TENM3: variants seen among roughly 807,000 people sequenced by gnomAD.
TENM3 encodes teneurin transmembrane protein 3, also known as teneurin-3.
In TENM3, 63 loss-of-function variants were observed where a neutral mutation model predicts 255.1. The ratio of observed to expected loss-of-function variants is 0.25; its 90% CI spans 0.20 to 0.30. The LOEUF is 0.30. Among genes scored for constraint, TENM3 ranks in the 10% least tolerant of loss-of-function variants. The pLI, the probability that TENM3 is intolerant of heterozygous loss-of-function variation, is 1.00. For missense variants in TENM3, 2,929 were observed against 3,461.1 expected (o/e 0.85, Z 3.86); for synonymous variants, 1,306 against 1,322.3 (o/e 0.99, Z 0.27).
At chr4:182,488,709 G>C (rs1698092045) in intron 3 of TENM3, among the ~76,000 whole-genome samples, 1 of 152,094 alleles carries the variant, frequency 6.6e-6, no homozygotes, top group Non-Finnish European at 1.5e-5. Context: ...CGAATACTAA[G>C]ATAGAAACAA....
the TENM3 span, among the ~76,000 whole-genome samples, chr4:182,087,260 A>G: frequency 6.6e-6 from 1 of 152,228 alleles, no homozygotes; most frequent in Non-Finnish European, 1.5e-5. Context: ...ATGCTGATTT[A>G]CAAAACACAT....
rs183021729 is a variant in TENM3 at position 182,528,804 on chromosome 4, T to C, written c.512-72120T>C. Among the ~76,000 whole-genome samples the C allele has an allele frequency of 3.1e-3, 478 of 152,344 alleles. 4 individuals are homozygous for C. Among genetic ancestry groups the C allele is most frequent in the Non-Finnish European group, 5.8e-3 (392 of 68,032 alleles). On this transcript the variant is annotated intron_variant, in intron 3 of 27. Coordinates refer to ENST00000511685, the MANE Select transcript of TENM3 (RefSeq NM_001080477.4). ...GTAGTAGCCCATAAGTTTTAAAAAA[T>C]AGCAAAAATATCTCATAATGTTTTA... is the stretch of plus-strand genomic sequence containing the variant.
At chr4:182,645,377 G>A (rs962987278) in intron 5 of TENM3, among the ~76,000 whole-genome samples, 1 of 152,094 alleles carries the variant, frequency 6.6e-6, no homozygotes, top group African/African-American at 2.4e-5. Flanking sequence ...TATTATAAAA[G>A]TGGTTAACAT....
At chr4:182,604,489 A>C (rs1487748157) in intron 4 of TENM3, among the ~76,000 whole-genome samples, 1 of 152,126 alleles carries the variant, frequency 6.6e-6, no homozygotes, top group Non-Finnish European at 1.5e-5. Context: ...TTTATACTTC[A>C]GCTGCTTCAG....
chr4:182,016,147 G>C, the TENM3 span, among the ~76,000 whole-genome samples: 1 of 152,118 alleles, frequency 6.6e-6, no homozygotes, highest in African/African-American at 2.4e-5. Flanking sequence ...CTCCTTCAAC[G>C]TGTTATTCGT....
intron 1 of TENM3, among the ~76,000 whole-genome samples, chr4:182,179,497 C>T (rs1752713058): frequency 6.6e-6 from 1 of 152,214 alleles, no homozygotes; most frequent in Non-Finnish European, 1.5e-5. Flanking sequence ...TTAAGAATCA[C>T]TGTTGCATAC....
chr4:182,731,798 T>C (rs1233532792), intron 16 of TENM3, among the ~76,000 whole-genome samples: 1 of 151,134 alleles, frequency 6.6e-6, no homozygotes, highest in Non-Finnish European at 1.5e-5. Context: ...TTTTTTTTTT[T>C]TGAGACGGAG....
chr4:181,748,212 C>G, the TENM3 span, among the ~76,000 whole-genome samples: 1 of 151,942 alleles, frequency 6.6e-6, no homozygotes, highest in African/African-American at 2.4e-5. Context: ...TATTAAATTC[C>G]TAGATAAATT....
At chr4:181,920,305 C>T in the TENM3 span, among the ~76,000 whole-genome samples, 3 of 151,972 alleles carry the variant, frequency 2.0e-5, no homozygotes, top group Non-Finnish European at 4.4e-5. Flanking sequence ...TGAGGAATCG[C>T]CACACTGACT....
the TENM3 span, among the ~76,000 whole-genome samples, chr4:181,950,596 C>A: frequency 3.9e-5 from 6 of 152,162 alleles, no homozygotes; most frequent in Admixed American, 6.5e-5. Flanking sequence ...GCACCCTGGA[C>A]AGTGCCCAAA....
At chr4:182,589,683 C>A (rs1056365761) in intron 3 of TENM3, among the ~76,000 whole-genome samples, 1 of 152,038 alleles carries the variant, frequency 6.6e-6, no homozygotes, top group Middle Eastern at 3.4e-3. Flanking sequence ...CTTTTAAAAA[C>A]GGTTTGCGGC....
At chr4:181,674,041 G>A in the TENM3 span, among the ~76,000 whole-genome samples, 1 of 152,108 alleles carries the variant, frequency 6.6e-6, no homozygotes, top group Non-Finnish European at 1.5e-5. Flanking sequence ...TGTAGCCCTA[G>A]CTGGAGTGCA....
chr4:182,616,361 G>C (rs1382636851), intron 4 of TENM3, among the ~76,000 whole-genome samples: 1 of 149,352 alleles, frequency 6.7e-6, no homozygotes, highest in Non-Finnish European at 1.5e-5. Context: ...ATCACACTCT[G>C]GGGACTGTGG....
chr4:182,449,091 A>AGCG (rs35591339), intron 3 of TENM3: 7 of 265,102 alleles, frequency 2.6e-5, no homozygotes, highest in East Asian at 3.3e-4. Context: ...AAGGTGGGTG[A>AGCG]GCGGCGGCGG....
intron 4 of TENM3, among the ~76,000 whole-genome samples, chr4:182,613,517 CT>C (rs1205220523): frequency 2.0e-5 from 3 of 152,126 alleles, no homozygotes; most frequent in Non-Finnish European, 4.4e-5. Context: ...TAGTCCTATA[CT>C]TTTTACATAG....
At chr4:181,893,493 C>CG in the TENM3 span, among the ~76,000 whole-genome samples, 1 of 89,602 alleles carries the variant, frequency 1.1e-5, no homozygotes, top group East Asian at 3.8e-4. Flanking sequence ...CCCTGCCCAC[C>CG]CCCCCCCCAC....
chr4:181,721,027 G>A, the TENM3 span, among the ~76,000 whole-genome samples: 1 of 151,864 alleles, frequency 6.6e-6, no homozygotes, highest in Non-Finnish European at 1.5e-5. Flanking sequence ...TGAGCATGAA[G>A]GCAGAGTCAG....
chr4:181,676,989 C>CTTTTTTTTT, the TENM3 span, among the ~76,000 whole-genome samples: 4 of 137,688 alleles, frequency 2.9e-5, no homozygotes, highest in Non-Finnish European at 4.6e-5. Context: ...CCGATTTTAT[C>CTTTTTTTTT]TTTTTTTTTT....
At chr4:181,456,274 A>G in the TENM3 span, among the ~76,000 whole-genome samples, 3 of 151,654 alleles carry the variant, frequency 2.0e-5, no homozygotes, top group Admixed American at 2.0e-4. Flanking sequence ...ATCAAAGCCA[A>G]TATTCTGATC....
Sources: gnomAD v4.1 joint callset for allele counts (sites outside exome capture counted in the v4.1 genomes callset) on GRCh38, gnomAD v4.1.1 for gene constraint, MANE v1.5 for transcripts, NCBI Gene and HGNC (gene_info 2026-07-23, HGNC 2026-07-21) for gene names.